The following NUP210 variants were observed in gnomAD, a reference collection of about 807,000 sequenced individuals.
NUP210 encodes nuclear pore membrane glycoprotein 210.
A neutral mutation model predicts 196.0 loss-of-function variants in NUP210; 151 were observed. The observed-to-expected ratio is 0.77, with a 90% CI of 0.67 to 0.88. NUP210 has a LOEUF of 0.88. Among genes scored for constraint, NUP210 ranks in the 40% least tolerant of loss-of-function variants. The pLI is 0.00. For missense variants in NUP210, 2,314 were observed against 2,493.7 expected (o/e 0.93, Z 1.53); for synonymous variants, 1,070 against 1,052.7 (o/e 1.02, Z -0.32).
At chr3:13,357,548 C>G (rs1051762384) in intron 16 of NUP210, among the ~76,000 whole-genome samples, 11 of 152,178 alleles carry the variant, frequency 7.2e-5, no homozygotes, top group African/African-American at 2.7e-4. Flanking sequence ...GAGCTGCTCA[C>G]CCACCTCCTC....
intron 1 of NUP210, among the ~76,000 whole-genome samples, chr3:13,401,905 G>A (rs1413117770): frequency 6.6e-6 from 1 of 150,940 alleles, no homozygotes; most frequent in African/African-American, 2.4e-5. Context: ...AAAAAAAAAA[G>A]TCTACTCTGC....
At chr3:13,390,612 C>A (rs1354472847) in intron 4 of NUP210, among the ~76,000 whole-genome samples, 1 of 152,252 alleles carries the variant, frequency 6.6e-6, no homozygotes, top group Non-Finnish European at 1.5e-5. Flanking sequence ...ATCCACGGAT[C>A]TGAGTTCAGA....
intron 28 of NUP210, among the ~76,000 whole-genome samples, chr3:13,334,697 C>T (rs1410069985): frequency 6.6e-6 from 1 of 152,184 alleles, no homozygotes; most frequent in East Asian, 1.9e-4. Flanking sequence ...GACAAAAATG[C>T]TCTTCAGAGC....
rs1559300797 is a variant in NUP210, at chr3:13,317,750, A to G, written c.5595T>C (p.Asn1865=). The G allele has an allele frequency of 6.2e-7, 1 of 1,611,764 alleles. No individual in the cohort carries two copies. Among genetic ancestry groups the G allele is most frequent in the Non-Finnish European group, 8.5e-7 (1 of 1,179,150 alleles). ...TGGCTTTGCGAGCAGGAGGCAATGC[A>G]TTGGGAGATGTGGGTGATGAGGCAG... ...YFAASSPTSP[N]ALPPARKASP... The change falls in exon 40 of 40, where the codon AAT becomes AAC. Residue 1865 remains asparagine, a synonymous_variant. Transcript: ENST00000254508.
chr3:13,397,164 C>T (rs1428125305), intron 3 of NUP210, among the ~76,000 whole-genome samples, 193 bp downstream of exon 3: 1 of 152,158 alleles, frequency 6.6e-6, no homozygotes. Context: ...GGGCTTGAGG[C>T]CCACCTCAGA....
intron 14 of NUP210, among the ~76,000 whole-genome samples, chr3:13,361,620 A>AGGGTCCCACTGCAGT (rs772547860): frequency 4.3e-4 from 66 of 152,128 alleles, no homozygotes; most frequent in Non-Finnish European, 8.1e-4. Flanking sequence ...CCCACTGCAG[A>AGGGTCCCACTGCAGT]GGGTCCCACT....
chr3:13,321,613 C>G lies in NUP210; in HGVS notation c.5138G>C (p.Gly1713Ala). ...HYTSSEIRVF[G>A]APEVLENLEV... ...CAAGTTCTCCAGAACCTCCGGGGCA[C>G]CAAAGACCCTGATCTCGGAACTGGT... is the stretch of plus-strand genomic sequence containing the variant. The change falls in exon 36 of 40, where the codon GGT (glycine) becomes GCT (alanine). Residue 1713 changes from glycine to alanine, a missense_variant. Gly to Ala is a moderately conservative substitution (Grantham distance 60). Coordinates refer to ENST00000254508, the MANE Select transcript of NUP210 (RefSeq NM_024923.4). 4 of 1,614,090 alleles carry G rather than the reference C, an allele frequency of 2.5e-6. No individual in the cohort carries two copies. Among genetic ancestry groups the G allele is most frequent in the Non-Finnish European group, 3.4e-6 (4 of 1,179,950 alleles).
Position 13,364,471 on chromosome 3 carries a change from C to T in NUP210, c.1932+1475G>A, listed in dbSNP as rs576636813. 4.6e-5 allele frequency among the ~76,000 whole-genome samples: 7 copies of T among 152,258 alleles called. No homozygotes were observed. The East Asian group carries it at 1.4e-3, about 29-fold the overall frequency. On this transcript the variant is annotated intron_variant, in intron 14 of 39. Coordinates refer to ENST00000254508, the MANE Select transcript of NUP210 (RefSeq NM_024923.4). ...CTCACACGTTCATTCTAAACAAAAC[C>T]ACCCTTGGTTGATGTCTGCTCTGTG... is the stretch of plus-strand genomic sequence containing the variant.
chr3:13,331,350 A>G (rs1203624023), intron 29 of NUP210, among the ~76,000 whole-genome samples: 1 of 152,216 alleles, frequency 6.6e-6, no homozygotes, highest in Non-Finnish European at 1.5e-5. Context: ...GCTAGTTTCC[A>G]TCATCTCTGT....
intron 1 of NUP210, among the ~76,000 whole-genome samples, chr3:13,416,020 T>G (rs1700338100): frequency 6.6e-6 from 1 of 152,030 alleles, no homozygotes; most frequent in Admixed American, 6.6e-5. Context: ...CCAGGGGTCA[T>G]CTGAACTGCC....
intron 6 of NUP210, among the ~76,000 whole-genome samples, 173 bp downstream of exon 6, chr3:13,386,102 C>T (rs948160429): frequency 9.2e-5 from 14 of 152,142 alleles, no homozygotes; most frequent in African/African-American, 2.9e-4. Flanking sequence ...GGAAGATGAA[C>T]GAGTTCTGTG....
intron 15 of NUP210, 72 bp from the exon 16 acceptor site, chr3:13,358,467 C>T: frequency 1.4e-6 from 2 of 1,419,650 alleles, no homozygotes; most frequent in South Asian, 1.4e-5. Context: ...TGCCACACCC[C>T]ACCCCAGCTC....
chr3:13,320,156 C>A (rs939827153), intron 36 of NUP210, among the ~76,000 whole-genome samples, 177 bp from the exon 37 acceptor site: 5 of 152,288 alleles, frequency 3.3e-5, no homozygotes, highest in Admixed American at 2.6e-4. Context: ...GGTGGGGACC[C>A]CTGCCCAGGT....
chr3:13,372,103 C>G, intron 12 of NUP210, 71 bp from the exon 13 acceptor site: 1 of 1,361,130 alleles, frequency 7.3e-7, no homozygotes, highest in Non-Finnish European at 1.0e-6. Context: ...CTCGGATATC[C>G]TAAGTGCTGC....
At chr3:13,336,326 G>A (rs1697215001) in intron 27 of NUP210, among the ~76,000 whole-genome samples, 1 of 152,160 alleles carries the variant, frequency 6.6e-6, no homozygotes, top group Non-Finnish European at 1.5e-5. Context: ...GGGCAACCCT[G>A]GGCAAGTCCC....
At chr3:13,415,508 G>A (rs1459478158) in intron 1 of NUP210, among the ~76,000 whole-genome samples, 1 of 152,210 alleles carries the variant, frequency 6.6e-6, no homozygotes, top group Non-Finnish European at 1.5e-5. Flanking sequence ...TTTGGCCTAG[G>A]TGTGTGGGGA....
intron 25 of NUP210, among the ~76,000 whole-genome samples, chr3:13,339,341 T>C (rs1050723970): frequency 1.3e-5 from 2 of 152,186 alleles, no homozygotes; most frequent in African/African-American, 2.4e-5. Context: ...CTGTCCACAG[T>C]TGCATTACAC....
Position 13,348,796 on chromosome 3 carries a change from G to A in NUP210, c.2835+3083C>T, listed in dbSNP as rs530194306. The A allele has an allele frequency of 3.6e-5, 35 of 985,396 alleles. No homozygotes were observed. In the African/African-American group the frequency reaches 4.7e-4, roughly 13 times the overall value. The allele number at this position is 985,396 out of a possible 1,614,324, so 61.0% of individuals were successfully genotyped here. ...GACTCCCTCCCCCTCCTTGAGGCACGGCGCTGAGAAAACATCCTCTTTGCA... is the reference window on the plus strand; with the variant it reads ...GACTCCCTCCCCCTCCTTGAGGCACAGCGCTGAGAAAACATCCTCTTTGCA... On this transcript the variant is annotated intron_variant, in intron 20 of 39. Transcript: ENST00000254508. The surrounding 1 kb of genome is among the most constrained non-coding windows in gnomAD (Gnocchi z 4.0).
At chr3:13,411,985 C>T (rs1425233864) in intron 1 of NUP210, among the ~76,000 whole-genome samples, 6 of 152,052 alleles carry the variant, frequency 3.9e-5, no homozygotes, top group Admixed American at 3.9e-4. Flanking sequence ...TCAGGTGATC[C>T]GCCCTCCTCG....
Sources: gnomAD v4.1 joint callset for allele counts (sites outside exome capture counted in the v4.1 genomes callset) on GRCh38, gnomAD v4.1.1 for gene constraint, Gnocchi (gnomAD v3.1) non-coding constraint, MANE v1.5 for transcripts, NCBI Gene and HGNC (gene_info 2026-07-23, HGNC 2026-07-21) for gene names.